Variants in EML4 observed in about 807,000 individuals in gnomAD.
EML4 encodes the protein EMAP like 4, also known as echinoderm microtubule-associated protein-like 4.
In EML4, 72 loss-of-function variants were observed where a neutral mutation model predicts 129.0. The observed-to-expected ratio is 0.56, with a 90% CI of 0.46 to 0.68. EML4 has a LOEUF of 0.68. Ranked by LOEUF, EML4 falls within the 30% of genes least tolerant of loss-of-function variation. The pLI is 0.00. For missense variants in EML4, 1,363 were observed against 1,190.6 expected (o/e 1.14, Z -2.13); for synonymous variants, 532 against 405.0 (o/e 1.31, Z -3.77).
In EML4 at chr2:42,191,032, A is replaced by T. The variant is rs182321274; in HGVS notation, c.25+21396A>T. Among the ~76,000 whole-genome samples the T allele has an allele frequency of 2.4e-4, 36 of 152,328 alleles. No individual in the cohort carries two copies. The East Asian group carries it at 3.5e-3, about 15-fold the overall frequency. ...GCATTTGTTTTATGGTTATAGTCAT[A>T]TCTTACATTGAATTTTATTACCTAC... is the stretch of plus-strand genomic sequence containing the variant. On this transcript the variant is annotated intron_variant, in intron 1 of 22. Transcript: ENST00000318522.
chr2:42,293,463 T>G (rs1667768166), intron 11 of EML4, among the ~76,000 whole-genome samples: 1 of 152,084 alleles, frequency 6.6e-6, no homozygotes, highest in African/African-American at 2.4e-5. Context: ...TAAGCCCAAA[T>G]GTTAAGTAAC....
At chr2:42,182,812 A>G (rs1671024212) in intron 1 of EML4, among the ~76,000 whole-genome samples, 1 of 152,140 alleles carries the variant, frequency 6.6e-6, no homozygotes, top group Admixed American at 6.5e-5. Context: ...ATGTTTCATC[A>G]GGTTTGATTT....
Position 42,272,144 on chromosome 2 carries a change from A to G in EML4, c.667+7413A>G, listed in dbSNP as rs536789841. 1.1e-4 allele frequency among the ~76,000 whole-genome samples: 16 copies of G among 151,664 alleles called. No homozygotes were observed. The South Asian group carries it at 3.1e-3, about 30-fold the overall frequency. ...TATTCTATACTGTATTTCTTACTCTAGTAATTGTTATTGTTTTCTAGAAGC... is the reference window on the plus strand; with the variant it reads ...TATTCTATACTGTATTTCTTACTCTGGTAATTGTTATTGTTTTCTAGAAGC... On this transcript the variant is annotated intron_variant, in intron 6 of 22. Transcript: ENST00000318522.
In EML4 at chr2:42,306,725, A is replaced by G. The variant is rs189662203; in HGVS notation, c.1967+2174A>G. Among the ~76,000 whole-genome samples the G allele has an allele frequency of 7.0e-3, 1,060 of 151,360 alleles. 5 individuals carry two copies. Among genetic ancestry groups the G allele is most frequent in the African/African-American group, 0.024 (1,009 of 41,224 alleles). On this transcript the variant is annotated intron_variant, in intron 17 of 22. Transcript: ENST00000318522. ...CACCGTGTTAGCCAGGATGGTCTCA[A>G]TCTGACCTCGTGATCCTCCCGCCTC...
At chr2:42,299,812 C>A (rs562906506) in intron 13 of EML4, among the ~76,000 whole-genome samples, 1 of 152,282 alleles carries the variant, frequency 6.6e-6, no homozygotes, top group East Asian at 1.9e-4. Flanking sequence ...CCTCAGCCTC[C>A]CAAGTAGCTG....
chr2:42,176,110 C>G (rs889079390), intron 1 of EML4, among the ~76,000 whole-genome samples: 1 of 151,688 alleles, frequency 6.6e-6, no homozygotes, highest in Admixed American at 6.6e-5. Context: ...ATCTGAACTT[C>G]TCTCCTGAAT....
intron 2 of EML4, among the ~76,000 whole-genome samples, chr2:42,246,328 T>A (rs1675399007): frequency 1.3e-5 from 2 of 152,158 alleles, no homozygotes; most frequent in South Asian, 4.2e-4. Context: ...GAATCAAGAT[T>A]TGAACATATC....
rs1364002277 is a variant in EML4, at chr2:42,331,483, G to A, written c.*1276G>A. ...TTTAAGAGTAATTACTGACAAATAT[G>A]TATTTCCTATATGTTTATACTTTGA... On this transcript the variant is annotated 3_prime_UTR_variant, in exon 23 of 23. Coordinates refer to ENST00000318522, the MANE Select transcript of EML4 (RefSeq NM_019063.5). 3 of 223,140 alleles carry A rather than the reference G, an allele frequency of 1.3e-5. No individual in the cohort carries two copies. The highest frequency in any genetic ancestry group is 2.7e-5 in the Non-Finnish European group (3 of 111,560). The allele number at this position is 223,140 out of a possible 1,614,324, so 13.8% of individuals were successfully genotyped here.
intron 6 of EML4, among the ~76,000 whole-genome samples, chr2:42,278,798 T>C (rs1317962226): frequency 2.0e-5 from 3 of 151,768 alleles, no homozygotes; most frequent in Middle Eastern, 3.2e-3. Context: ...TAGCAAGGCA[T>C]GGTGGCACAT....
intron 1 of EML4, among the ~76,000 whole-genome samples, chr2:42,217,493 A>G (rs935521332): frequency 1.1e-4 from 16 of 152,178 alleles, no homozygotes; most frequent in African/African-American, 2.4e-4. Context: ...TTTTTCATTT[A>G]GTAACTTCAG....
At chr2:42,273,074 T>G (rs529959740) in intron 6 of EML4, among the ~76,000 whole-genome samples, 1 of 152,312 alleles carries the variant, frequency 6.6e-6, no homozygotes, top group East Asian at 1.9e-4. Flanking sequence ...TTTTGACATT[T>G]GAAGTTTCCT....
At chr2:42,308,955 C>A (rs1441230039) in intron 17 of EML4, among the ~76,000 whole-genome samples, 1 of 152,134 alleles carries the variant, frequency 6.6e-6, no homozygotes, top group African/African-American at 2.4e-5. Context: ...TATGGATATA[C>A]CACCTTCATC....
intron 13 of EML4, 33 bp downstream of exon 13, chr2:42,295,549 T>C (rs775149883): frequency 2.5e-6 from 4 of 1,595,768 alleles, no homozygotes; most frequent in Middle Eastern, 1.7e-4. Context: ...TCATTTCTGG[T>C]AATTCTCACA....
At chr2:42,169,804 G>A in intron 1 of EML4, 168 bp downstream of exon 1, 1 of 659,738 alleles carries the variant, frequency 1.5e-6, no homozygotes, top group Non-Finnish European at 2.4e-6. Context: ...GTGGACTGAG[G>A]GCCCCTCCCC....
rs1239760032 is a variant in EML4, at chr2:42,315,944, A to G, written c.1968-18A>G. ...ATGCTAATATCTGAAGAAAATTTTG[A>G]TTTTTACTTCTTAACAGGTGGTTTG... On this transcript the variant is annotated intron_variant, in intron 17 of 22. Coordinates refer to ENST00000318522, the MANE Select transcript of EML4 (RefSeq NM_019063.5). The G allele has an allele frequency of 3.5e-5, 56 of 1,579,706 alleles. No individual in the cohort carries two copies. The highest frequency in any genetic ancestry group is 1.2e-4 in the African/African-American group (9 of 73,284).
intron 17 of EML4, among the ~76,000 whole-genome samples, chr2:42,313,736 T>G (rs568922757): frequency 6.6e-6 from 1 of 152,006 alleles, no homozygotes; most frequent in East Asian, 1.9e-4. Flanking sequence ...AAGACCAGCC[T>G]GATCAACACG....
chr2:42,226,604 G>A (rs1187929881), intron 1 of EML4, among the ~76,000 whole-genome samples: 3 of 151,926 alleles, frequency 2.0e-5, no homozygotes, highest in Non-Finnish European at 2.9e-5. Context: ...TTGCTGTGAG[G>A]TGAGATCGTG....
chr2:42,328,945 A>C lies in EML4; in HGVS notation c.2401A>C (p.Arg801=). 1.9e-6 allele frequency: 3 copies of C among 1,613,574 alleles called. No homozygotes were observed. The highest frequency in any genetic ancestry group is 2.5e-6 in the Non-Finnish European group (3 of 1,179,774). Residue 801 remains arginine (R), a synonymous_variant, in exon 22 of 23, where the codon AGA becomes CGA. Transcript: ENST00000318522. ...DINALVRSHN[R]KVIAVADDFC... Reference sequence around the variant, plus strand: ...CAATGCACTGGTGCGATCCCACAATAGAAAGGTGATAGCTGTTGCCGATGA... The same window carrying C: ...CAATGCACTGGTGCGATCCCACAATCGAAAGGTGATAGCTGTTGCCGATGA...
intron 17 of EML4, among the ~76,000 whole-genome samples, chr2:42,313,550 C>CT (rs1489474357): frequency 2.6e-5 from 4 of 152,110 alleles, no homozygotes; most frequent in African/African-American, 9.7e-5. Flanking sequence ...CCTTCAAGCC[C>CT]TTTTCTCTCT....
Sources: gnomAD v4.1 joint callset for allele counts (sites outside exome capture counted in the v4.1 genomes callset) on GRCh38, gnomAD v4.1.1 for gene constraint, MANE v1.5 for transcripts, NCBI Gene and HGNC (gene_info 2026-07-23, HGNC 2026-07-21) for gene names.